Variants in FETUB observed in about 807,000 individuals in gnomAD.
The protein encoded by FETUB is fetuin B.
FETUB carries 28 observed loss-of-function variants against 30.9 expected under a neutral mutation model. The observed-to-expected ratio is 0.90, with a 90% CI of 0.67 to 1.24. The LOEUF (loss-of-function observed/expected upper bound fraction) is 1.24. Ranked by LOEUF, FETUB falls within the 50% of genes most tolerant of loss-of-function variation. The pLI is 0.00. For missense variants in FETUB, 469 were observed against 455.3 expected (o/e 1.03, Z -0.27); for synonymous variants, 186 against 175.9 (o/e 1.06, Z -0.45).
At chr3:186,643,537 G>A (rs996935028) in intron 3 of FETUB, among the ~76,000 whole-genome samples, 2 of 152,180 alleles carry the variant, frequency 1.3e-5, no homozygotes, top group Non-Finnish European at 2.9e-5. Context: ...GCTGCTGGTT[G>A]CTTTGAATAA....
upstream of FETUB, among the ~76,000 whole-genome samples, chr3:186,639,857 A>G (rs1388607960): frequency 2.6e-5 from 4 of 152,332 alleles, no homozygotes; most frequent in South Asian, 2.1e-4. Flanking sequence ...CCCCTTAAGT[A>G]AAGTCATTGT....
chr3:186,649,637 A>C (rs1717833851), intron 5 of FETUB, among the ~76,000 whole-genome samples: 1 of 152,024 alleles, frequency 6.6e-6, no homozygotes, highest in African/African-American at 2.4e-5. Context: ...CACCTGGCTA[A>C]TTTTTGTATT....
Position 186,652,703 on chromosome 3 carries a change from A to C in FETUB, c.*72A>C. 6.6e-7 allele frequency: 1 copy of C among 1,510,228 alleles called. No individual in the cohort carries two copies. Among genetic ancestry groups the C allele is most frequent in the Non-Finnish European group, 8.8e-7 (1 of 1,134,768 alleles). 93.6% of individuals were successfully genotyped at this position (1,510,228 alleles called of 1,614,324 possible). On this transcript the variant is annotated 3_prime_UTR_variant, in exon 7 of 7. Coordinates refer to ENST00000265029, the MANE Select transcript of FETUB (RefSeq NM_014375.3). ...GGGAGGCGATGGGGACGATGGACAG[A>C]GACAGAGCGTGCACACGTAGAGTGG...
At chr3:186,646,807 A>G (rs1717584389) in intron 5 of FETUB, among the ~76,000 whole-genome samples, 1 of 152,200 alleles carries the variant, frequency 6.6e-6, no homozygotes. Flanking sequence ...AAATGCACCA[A>G]AATACTTTTC....
At chr3:186,649,332 C>T (rs953055874) in intron 5 of FETUB, among the ~76,000 whole-genome samples, 10 of 152,096 alleles carry the variant, frequency 6.6e-5, no homozygotes, top group Non-Finnish European at 1.2e-4. Context: ...TGTTTAGACA[C>T]TTTTTTTCTT....
At chr3:186,650,060 C>T (rs1717881329) in intron 5 of FETUB, among the ~76,000 whole-genome samples, 1 of 149,624 alleles carries the variant, frequency 6.7e-6, no homozygotes, top group Non-Finnish European at 1.5e-5. Flanking sequence ...TCTAACCATC[C>T]ATTGATGGAC....
chr3:186,644,233 T>G (rs1373532902), intron 3 of FETUB, among the ~76,000 whole-genome samples: 2 of 152,182 alleles, frequency 1.3e-5, no homozygotes, highest in Non-Finnish European at 2.9e-5. Context: ...TAGCTGTAAT[T>G]TTGTATCCTT....
chr3:186,638,656 C>CT (rs1268798480), upstream of FETUB, among the ~76,000 whole-genome samples: 1 of 152,162 alleles, frequency 6.6e-6, no homozygotes, highest in African/African-American at 2.4e-5. Flanking sequence ...GTTATTGGAT[C>CT]TTTTTATCTG....
In FETUB at chr3:186,641,138, T is replaced by C. The variant is rs775735266; in HGVS notation, c.334T>C (p.Ser112Pro). Residue 112 changes from serine (S) to proline (P), a missense_variant and splice_region_variant, in exon 2 of 7, where the codon TCA becomes CCA. Physicochemically the swap from Ser to Pro is moderately conservative, Grantham distance 74 (BLOSUM62 -1). Transcript: ENST00000265029. ...QDCGMRIFFE[S>P]VYGQCKAIFY... is the part of the protein sequence containing the mutation. ...CTGTGGAATGAGGATATTTTTTGAA[T>C]CAGTGAGTGCTTGTTTTTATAAACC... The C allele has an allele frequency of 6.3e-7, 1 of 1,595,080 alleles. No individual in the cohort carries two copies. Among genetic ancestry groups the C allele is most frequent in the Non-Finnish European group, 8.6e-7 (1 of 1,163,526 alleles).
chr3:186,640,917 G>A (rs1290527918), intron 1 of FETUB, 113 bp from the exon 2 acceptor site: 14 of 721,030 alleles, frequency 1.9e-5, no homozygotes, highest in Non-Finnish European at 2.1e-5. Context: ...GGTTTACGGG[G>A]AATCTTCACA....
chr3:186,650,890 C>T lies in FETUB; in HGVS notation c.697-328C>T, dbSNP rs114747365. On this transcript the variant is annotated intron_variant, in intron 5 of 6. Transcript: ENST00000265029. Reference sequence around the variant, plus strand: ...GGCTGCTATATAAAAGATGAAAACACGTTTTCTAATTGACCCAAGGGTAGA... The same window carrying T: ...GGCTGCTATATAAAAGATGAAAACATGTTTTCTAATTGACCCAAGGGTAGA... Among the ~76,000 whole-genome samples the T allele has an allele frequency of 3.1e-3, 469 of 152,236 alleles. 3 individuals are homozygous for T. The highest frequency in any genetic ancestry group is 0.011 in the African/African-American group (446 of 41,540).
intron 6 of FETUB, 63 bp downstream of exon 6, chr3:186,651,364 C>T: frequency 9.4e-7 from 1 of 1,063,770 alleles, no homozygotes. Flanking sequence ...TAGTTACCTG[C>T]CACTACCTTA....
At chr3:186,639,426 G>T (rs1467911551), upstream of FETUB, among the ~76,000 whole-genome samples, 1 of 152,146 alleles carries the variant, frequency 6.6e-6, no homozygotes, top group Non-Finnish European at 1.5e-5. Context: ...GAAGAGAAGG[G>T]CTAGGAGTAG....
intron 3 of FETUB, among the ~76,000 whole-genome samples, chr3:186,642,986 C>T (rs989178433): frequency 6.6e-6 from 1 of 152,166 alleles, no homozygotes; most frequent in Non-Finnish European, 1.5e-5. Flanking sequence ...CTCTGCTGAG[C>T]ATGCCCTCCC....
intron 2 of FETUB, 25 bp downstream of exon 2, chr3:186,641,165 T>C (rs1353139362): frequency 1.4e-6 from 2 of 1,449,140 alleles, no homozygotes; most frequent in African/African-American, 1.4e-5. Flanking sequence ...TTATAAACCA[T>C]TAAGGGCCCT....
At chr3:186,650,743 A>G (rs1717956619) in intron 5 of FETUB, among the ~76,000 whole-genome samples, 1 of 152,196 alleles carries the variant, frequency 6.6e-6, no homozygotes, top group Non-Finnish European at 1.5e-5. Context: ...GTTTATCTAT[A>G]TTCTAACTAT....
intron 1 of FETUB, 72 bp downstream of exon 1, chr3:186,640,757 C>A: frequency 8.3e-7 from 1 of 1,207,394 alleles, no homozygotes; most frequent in Non-Finnish European, 1.2e-6. Context: ...GGTGAGGGAA[C>A]CCAGAGACAC....
chr3:186,646,209 A>C, intron 4 of FETUB, 39 bp from the exon 5 acceptor site: 1 of 1,464,658 alleles, frequency 6.8e-7, no homozygotes, highest in Non-Finnish European at 9.6e-7. Context: ...CTAGGCAGAA[A>C]TGTTTGATTT....
chr3:186,648,523 T>C (rs2108538908), intron 5 of FETUB, among the ~76,000 whole-genome samples: 1 of 152,350 alleles, frequency 6.6e-6, no homozygotes, highest in African/African-American at 2.4e-5. Flanking sequence ...TCAATTTCTA[T>C]TTTTAAAAAG....
Sources: gnomAD v4.1 joint callset for allele counts (sites outside exome capture counted in the v4.1 genomes callset) on GRCh38, gnomAD v4.1.1 for gene constraint, MANE v1.5 for transcripts, NCBI Gene and HGNC (gene_info 2026-07-23, HGNC 2026-07-21) for gene names.